The following MEOX2 variants were observed in gnomAD, a reference collection of about 807,000 sequenced individuals.
MEOX2 encodes the protein mesenchyme homeobox 2.
A neutral mutation model predicts 27.0 loss-of-function variants in MEOX2; 11 were observed. The observed-to-expected ratio is 0.41, with a 90% confidence interval of 0.26 to 0.68. The LOEUF (loss-of-function observed/expected upper bound fraction) is 0.68, where lower values mean the gene tolerates loss of function less well. MEOX2 is among the 30% of genes least tolerant of loss of function. The pLI is 0.33. For synonymous variants in MEOX2, 189 were observed against 155.4 expected, an observed-to-expected ratio of 1.22 and a Z score of -1.61; for missense variants, 436 against 385.4, an observed-to-expected ratio of 1.13 and a Z score of -1.10.
intron 1 of MEOX2, among the ~76,000 whole-genome samples, chr7:15,645,914 G>C (rs1346385255): frequency 6.6e-6 from 1 of 152,084 alleles, no homozygotes; most frequent in Non-Finnish European, 1.5e-5. Flanking sequence ...AGTACTAAAG[G>C]AAAGTGTTTC....
chr7:15,654,960 G>C (rs1326999158), intron 1 of MEOX2, among the ~76,000 whole-genome samples: 2 of 151,590 alleles, frequency 1.3e-5, no homozygotes, highest in African/African-American at 2.4e-5. Flanking sequence ...ATAGAATTAT[G>C]TTAATTCTTA....
intron 2 of MEOX2, among the ~76,000 whole-genome samples, chr7:15,619,652 A>G (rs984706273): frequency 6.6e-5 from 10 of 151,984 alleles, no homozygotes; most frequent in Admixed American, 2.6e-4. Flanking sequence ...GTGTGTGTGT[A>G]TATATATCTA....
At chr7:15,663,636 G>A (rs1176954622) in intron 1 of MEOX2, among the ~76,000 whole-genome samples, 2 of 152,108 alleles carry the variant, frequency 1.3e-5, no homozygotes, top group Non-Finnish European at 2.9e-5. Flanking sequence ...ACCGCGCCCA[G>A]CCAATAATCT....
chr7:15,676,367 G>C (rs1463712757), intron 1 of MEOX2, among the ~76,000 whole-genome samples: 2 of 152,142 alleles, frequency 1.3e-5, no homozygotes, highest in African/African-American at 4.8e-5. Context: ...CTAAGGGTCT[G>C]CAACTGGAAC....
intron 1 of MEOX2, among the ~76,000 whole-genome samples, chr7:15,662,417 C>G (rs1364176840): frequency 6.6e-6 from 1 of 151,744 alleles, no homozygotes; most frequent in Non-Finnish European, 1.5e-5. Flanking sequence ...AATCTGTATA[C>G]CAAACTGCTC....
chr7:15,633,426 G>A (rs563994650), intron 1 of MEOX2, among the ~76,000 whole-genome samples: 16 of 151,986 alleles, frequency 1.1e-4, no homozygotes, highest in African/African-American at 3.9e-4. Context: ...AGAAAGAATT[G>A]TGACATTTCT....
chr7:15,628,505 T>C (rs1219425652), intron 1 of MEOX2, among the ~76,000 whole-genome samples: 1 of 152,150 alleles, frequency 6.6e-6, no homozygotes, highest in Admixed American at 6.6e-5. Flanking sequence ...ACCACGTTTC[T>C]GGGCTTGTCA....
At chr7:15,623,558 C>T (rs368602954) in intron 2 of MEOX2, among the ~76,000 whole-genome samples, 4 of 152,018 alleles carry the variant, frequency 2.6e-5, no homozygotes, top group African/African-American at 9.7e-5. Context: ...GTAGTAGAGA[C>T]GGGGTTTCAC....
chr7:15,625,352 T>C (rs1330911756), intron 2 of MEOX2, among the ~76,000 whole-genome samples: 1 of 152,192 alleles, frequency 6.6e-6, no homozygotes, highest in South Asian at 2.1e-4. Flanking sequence ...ATGTGAAGTC[T>C]AAGGGAAGGA....
intron 1 of MEOX2, among the ~76,000 whole-genome samples, chr7:15,630,562 T>G (rs1160589499): frequency 1.3e-5 from 2 of 152,054 alleles, no homozygotes; most frequent in African/African-American, 4.8e-5. Flanking sequence ...AATGTCTGTA[T>G]AGCTTGGACT....
intron 1 of MEOX2, among the ~76,000 whole-genome samples, chr7:15,634,393 A>G (rs972004713): frequency 2.0e-5 from 3 of 151,980 alleles, no homozygotes; most frequent in African/African-American, 7.2e-5. Context: ...GTGTTGTCAG[A>G]TAAAATATGG....
intron 2 of MEOX2, among the ~76,000 whole-genome samples, chr7:15,626,244 G>A (rs1398258347): frequency 1.3e-5 from 2 of 152,110 alleles, no homozygotes; most frequent in East Asian, 1.9e-4. Context: ...GTCTGTGAGT[G>A]ATTATCTGGA....
intron 1 of MEOX2, among the ~76,000 whole-genome samples, chr7:15,656,287 T>A (rs540978788): frequency 6.6e-6 from 1 of 152,000 alleles, no homozygotes; most frequent in South Asian, 2.1e-4. Context: ...GGTTGGTTCA[T>A]GAAGTTTTTT....
chr7:15,674,390 A>G (rs1327479041), intron 1 of MEOX2, among the ~76,000 whole-genome samples: 1 of 152,140 alleles, frequency 6.6e-6, no homozygotes. Flanking sequence ...AAAGGGGAAA[A>G]ATATAGAAGA....
intron 1 of MEOX2, among the ~76,000 whole-genome samples, chr7:15,656,936 A>C (rs574688657): frequency 5.3e-5 from 8 of 152,110 alleles, no homozygotes; most frequent in African/African-American, 1.7e-4. Context: ...TCTCCCTGTC[A>C]TTCCTGAGAA....
chr7:15,638,478 T>A (rs1339723893), intron 1 of MEOX2, among the ~76,000 whole-genome samples: 1 of 152,066 alleles, frequency 6.6e-6, no homozygotes, highest in South Asian at 2.1e-4. Flanking sequence ...TTTGTGCATA[T>A]GTAAAACATT....
intron 1 of MEOX2, chr7:15,681,681 G>C (rs1446446974): frequency 6.6e-6 from 1 of 151,528 alleles, no homozygotes; most frequent in African/African-American, 2.4e-5. Context: ...AGGGAGAATG[G>C]GGTAATGACT....
At chr7:15,625,094 G>A (rs1172532766) in intron 2 of MEOX2, among the ~76,000 whole-genome samples, 2 of 152,128 alleles carry the variant, frequency 1.3e-5, no homozygotes, top group Non-Finnish European at 2.9e-5. Flanking sequence ...ACTGGATCCT[G>A]TCATTTCTAC....
intron 1 of MEOX2, among the ~76,000 whole-genome samples, chr7:15,643,004 A>G (rs1781586701): frequency 6.6e-6 from 1 of 152,218 alleles, no homozygotes; most frequent in African/African-American, 2.4e-5. Flanking sequence ...GGAGGTCTAG[A>G]GAGGCTTATC....
Sources: gnomAD v4.1 joint callset for allele counts (sites outside exome capture counted in the v4.1 genomes callset) on GRCh38, gnomAD v4.1.1 for gene constraint, MANE v1.5 for transcripts, NCBI Gene and HGNC (gene_info 2026-07-23, HGNC 2026-07-21) for gene names.